KRR1: variants seen among roughly 807,000 people sequenced by gnomAD.
KRR1 encodes KRR1 small subunit processome component.
In KRR1, 23 loss-of-function variants were observed where a neutral mutation model predicts 50.0. The ratio of observed to expected loss-of-function variants is 0.46; its 90% CI spans 0.33 to 0.65. KRR1 has a LOEUF of 0.65. Among genes scored for constraint, KRR1 ranks in the 30% least tolerant of loss-of-function variants. The probability of loss-of-function intolerance (pLI) is 0.02; values close to 1 mark genes in which losing one functional copy is unlikely to be tolerated. For missense variants in KRR1, 419 were observed against 442.4 expected (o/e 0.95, Z 0.47); for synonymous variants, 133 against 146.3 (o/e 0.91, Z 0.66).
In KRR1 at chr12:75,506,363, G is replaced by C. The variant is rs772372057; in HGVS notation, c.556C>G (p.Gln186Glu). 1 of 1,612,104 alleles carries C rather than the reference G, an allele frequency of 6.2e-7. No homozygotes were observed. Among genetic ancestry groups the C allele is most frequent in the South Asian group, 1.1e-5 (1 of 90,928 alleles). The change falls in exon 5 of 10, where the codon CAG (glutamine) becomes GAG (glutamate). Residue 186 changes from glutamine to glutamate, a missense_variant. By Grantham distance (29) the Gln-to-Glu change is conservative (BLOSUM62 2). Transcript: ENST00000229214. ...ELLTNCYIMV[Q>E]GNTVSAIGPF... ...CCAATGGCTGAAACTGTGTTTCCCT[G>C]AACCATAATGTAACAATTAGTTAAG...
chr12:75,500,113 T>G, intron 9 of KRR1, 162 bp from the exon 10 acceptor site: 8 of 513,782 alleles, frequency 1.6e-5, no homozygotes, highest in Non-Finnish European at 2.6e-5. Flanking sequence ...ATAAAAACAC[T>G]TGCCTAAAGC....
At chr12:75,509,962 A>C (rs1043731120) in intron 1 of KRR1, among the ~76,000 whole-genome samples, 2 of 151,882 alleles carry the variant, frequency 1.3e-5, no homozygotes, top group Admixed American at 1.3e-4. Flanking sequence ...TTTTTTTAAA[A>C]TCCCCACTAC....
At chr12:75,508,937 G>A (rs2046434656) in intron 1 of KRR1, among the ~76,000 whole-genome samples, 1 of 152,050 alleles carries the variant, frequency 6.6e-6, no homozygotes, top group Non-Finnish European at 1.5e-5. Flanking sequence ...AATAATCACT[G>A]GTAATTCTAG....
Position 75,495,460 on chromosome 12 carries a change from C to T in KRR1, c.*4349G>A, listed in dbSNP as rs374466341. On this transcript the variant is annotated 3_prime_UTR_variant, in exon 10 of 10. Coordinates refer to ENST00000229214, the MANE Select transcript of KRR1 (RefSeq NM_007043.7). The stretch of plus-strand genomic sequence containing the variant: ...CCTGTCTTCACTTCTATTACCAACT[C>T]TCTGGACCTTTGTACTTCACTCCAC... The T allele has an allele frequency of 2.0e-3, 1,264 of 628,806 alleles. 27 individuals are homozygous for T. The South Asian group carries it at 0.023, about 12-fold the overall frequency. The allele number at this position is 628,806 out of a possible 1,614,324, so 39.0% of individuals were successfully genotyped here. A position where few individuals can be genotyped will look rare whatever the true frequency, so the allele number is the denominator to read the frequency against.
chr12:75,504,133 T>G, intron 6 of KRR1, 59 bp from the exon 7 acceptor site: 1 of 1,229,302 alleles, frequency 8.1e-7, no homozygotes, highest in Non-Finnish European at 1.1e-6. Flanking sequence ...TTTGTCAGAC[T>G]CAGACATTAT....
chr12:75,505,100 G>T, intron 6 of KRR1, 98 bp downstream of exon 6: 1 of 1,228,764 alleles, frequency 8.1e-7, no homozygotes, highest in South Asian at 1.4e-5. Context: ...ATCTGTTTGT[G>T]CATTAGAATT....
In KRR1 at chr12:75,495,997, G is replaced by GTTTTTTTTTTTTTTTTTTTTT. The variant is rs370713345; in HGVS notation, c.*3811_*3812insAAAAAAAAAAAAAAAAAAAAA. On this transcript the variant is annotated 3_prime_UTR_variant, in exon 10 of 10. Transcript: ENST00000229214. ...TCCAAACAAACAGAATTCTGTTTTC[G>GTTTTTTTTTTTTTTTTTTTTT]TTTTTTTTTTTGTTTTTTTTTTTTG... 4 of 132,126 alleles carry GTTTTTTTTTTTTTTTTTTTTT rather than the reference G, an allele frequency of 3.0e-5. 1 individual carries two copies. Among genetic ancestry groups the GTTTTTTTTTTTTTTTTTTTTT allele is most frequent in the Non-Finnish European group, 3.1e-5 (2 of 64,254 alleles). The allele number at this position is 132,126 out of a possible 1,614,324, so 8.2% of individuals were successfully genotyped here. A position where few individuals can be genotyped will look rare whatever the true frequency, so the allele number is the denominator to read the frequency against.
intron 1 of KRR1, among the ~76,000 whole-genome samples, chr12:75,511,141 A>G (rs772805348): frequency 6.6e-6 from 1 of 152,196 alleles, no homozygotes; most frequent in Non-Finnish European, 1.5e-5. Flanking sequence ...CCACTCTTGT[A>G]TATCATGACT....
rs373277638 is a variant in KRR1 at position 75,497,728 on chromosome 12, G to A, written c.*2081C>T. 2.6e-5 allele frequency: 4 copies of A among 151,962 alleles called. No individual in the cohort carries two copies. Among genetic ancestry groups the A allele is most frequent in the Admixed American group, 6.6e-5 (1 of 15,258 alleles). The allele number at this position is 151,962 out of a possible 1,614,324, so 9.4% of individuals were successfully genotyped here. On this transcript the variant is annotated 3_prime_UTR_variant, in exon 10 of 10. Transcript: ENST00000229214. ...ATAAATTCCTTCGTGGTATTCCTTCGTGGTCTCCTAGATACTGCTGGTAGT... is the reference window on the plus strand; with the variant it reads ...ATAAATTCCTTCGTGGTATTCCTTCATGGTCTCCTAGATACTGCTGGTAGT...
chr12:75,499,017 T>C lies in KRR1; in HGVS notation c.*792A>G. 1.4e-6 allele frequency: 2 copies of C among 1,419,294 alleles called. No homozygotes were observed. The highest frequency in any genetic ancestry group is 1.9e-6 in the Non-Finnish European group (2 of 1,055,506). 87.9% of individuals were successfully genotyped at this position (1,419,294 alleles called of 1,614,324 possible). A position where few individuals can be genotyped will look rare whatever the true frequency, so the allele number is the denominator to read the frequency against. On this transcript the variant is annotated 3_prime_UTR_variant, in exon 10 of 10. Transcript: ENST00000229214. ...AGAAAAAACCCAAAAACCAACCTCA[T>C]TCACATATGGCTTTTTTTTTAACCA... is the stretch of plus-strand genomic sequence containing the variant.
chr12:75,495,621 G>A lies in KRR1; in HGVS notation c.*4188C>T. ...CCATATAAGAGAGGAGCCACCTGCA[G>A]TGCCTGCCCCAATAATGACAAGTGT... On this transcript the variant is annotated 3_prime_UTR_variant, in exon 10 of 10. Transcript: ENST00000229214. 6.2e-7 allele frequency: 1 copy of A among 1,611,882 alleles called. No homozygotes were observed. Among genetic ancestry groups the A allele is most frequent in the East Asian group, 2.2e-5 (1 of 44,856 alleles).
rs777563404 is a variant in KRR1, at chr12:75,498,800, G to A, written c.*1009C>T. ...GCATTATGAGGAACAATGTCTAAGA[G>A]GATATTCTATGTTTGTTTCACAGGT... is the stretch of plus-strand genomic sequence containing the variant. On this transcript the variant is annotated 3_prime_UTR_variant, in exon 10 of 10. Coordinates refer to ENST00000229214, the MANE Select transcript of KRR1 (RefSeq NM_007043.7). 3.7e-6 allele frequency: 6 copies of A among 1,611,672 alleles called. No individual in the cohort carries two copies. The Admixed American group carries it at 1.0e-4, about 27-fold the overall frequency.
chr12:75,510,869 C>T (rs2046444963), intron 1 of KRR1, among the ~76,000 whole-genome samples: 1 of 152,150 alleles, frequency 6.6e-6, no homozygotes. Flanking sequence ...TTAACACTTC[C>T]TATAAGCCTG....
chr12:75,501,889 G>A (rs1285569622), intron 8 of KRR1, 34 bp downstream of exon 8: 31 of 1,594,058 alleles, frequency 1.9e-5, no homozygotes, highest in Non-Finnish European at 2.7e-5. Flanking sequence ...TATGAACTTT[G>A]CTATTCATGT....
intron 1 of KRR1, among the ~76,000 whole-genome samples, chr12:75,510,364 A>G (rs913028685): frequency 2.0e-5 from 3 of 152,216 alleles, no homozygotes; most frequent in African/African-American, 4.8e-5. Context: ...ATTGCAAGCA[A>G]TTGGGAACAA....
chr12:75,508,555 A>G, intron 1 of KRR1, 109 bp from the exon 2 acceptor site: 1 of 688,074 alleles, frequency 1.5e-6, no homozygotes, highest in Non-Finnish European at 2.3e-6. Context: ...GCACATATTC[A>G]CAAACCTTCC....
At position 75,502,015 on chromosome 12, in the gene KRR1, AT is replaced by A; in HGVS notation, c.832-16del. On this transcript the variant is annotated splice_polypyrimidine_tract_variant and intron_variant, in intron 7 of 9. Transcript: ENST00000229214. Reference sequence around the variant, plus strand: ...TCTTTATCGATCTGTTGAAAACGGTATTTACAATTACATCAGAAATAATGTA... The same window carrying A: ...TCTTTATCGATCTGTTGAAAACGGTATTACAATTACATCAGAAATAATGTA... 6.3e-7 allele frequency: 1 copy of A among 1,593,558 alleles called. No individual in the cohort carries two copies. Among genetic ancestry groups the A allele is most frequent in the Non-Finnish European group, 8.6e-7 (1 of 1,166,948 alleles).
chr12:75,505,516 G>C (rs1223268072), intron 5 of KRR1, among the ~76,000 whole-genome samples: 2 of 152,034 alleles, frequency 1.3e-5, no homozygotes, highest in African/African-American at 4.8e-5. Context: ...ATGTGATTTA[G>C]GAGGAAGAGG....
rs1345276954 is a variant in KRR1 at position 75,491,842 on chromosome 12, G to T, written c.*7967C>A. ...TTTAACCATTTGCAATATATATAAT[G>T]ATCTTTAATTTGTTGCCTTTGAATT... is the stretch of plus-strand genomic sequence containing the variant. On this transcript the variant is annotated 3_prime_UTR_variant, in exon 10 of 10. Coordinates refer to ENST00000229214, the MANE Select transcript of KRR1 (RefSeq NM_007043.7). 1 of 151,850 alleles carries T rather than the reference G, an allele frequency of 6.6e-6. No homozygotes were observed. Among genetic ancestry groups the T allele is most frequent in the African/African-American group, 2.4e-5 (1 of 41,362 alleles). 9.4% of individuals were successfully genotyped at this position (151,850 alleles called of 1,614,324 possible).
Sources: gnomAD v4.1 joint callset for allele counts (sites outside exome capture counted in the v4.1 genomes callset) on GRCh38, gnomAD v4.1.1 for gene constraint, MANE v1.5 for transcripts, NCBI Gene and HGNC (gene_info 2026-07-23, HGNC 2026-07-21) for gene names.